TYW1B: variants seen among roughly 807,000 people sequenced by gnomAD.
The protein encoded by TYW1B is S-adenosyl-L-methionine-dependent tRNA 4-demethylwyosine synthase TYW1B.
TYW1B carries 73 observed loss-of-function variants against 86.9 expected under a neutral mutation model. The ratio of observed to expected loss-of-function variants is 0.84; its 90% CI spans 0.70 to 1.02. The LOEUF (loss-of-function observed/expected upper bound fraction) is 1.02, where lower values mean the gene tolerates loss of function less well. TYW1B is among the 50% of genes least tolerant of loss of function. The pLI is 0.00. For synonymous variants in TYW1B, 248 were observed against 292.8 expected (o/e 0.85, Z 1.56); for missense variants, 637 against 827.4 (o/e 0.77, Z 2.82).
rs554916304 is a variant in TYW1B at position 72,807,045 on chromosome 7, A to G, written c.723+21T>C. The G allele has an allele frequency of 8.6e-5, 138 of 1,606,084 alleles. 1 individual carries two copies. In the Admixed American group the frequency reaches 2.2e-3, roughly 26 times the overall value. ...AAGCAGAGGGGGAAAGCATCAAGAGATGAACACACAGGCGGTATACCTTGG... is the reference window on the plus strand; with the variant it reads ...AAGCAGAGGGGGAAAGCATCAAGAGGTGAACACACAGGCGGTATACCTTGG... On this transcript the variant is annotated intron_variant, in intron 5 of 13. Coordinates refer to ENST00000620995, the MANE Select transcript of TYW1B (RefSeq NM_001145440.3).
intron 9 of TYW1B, among the ~76,000 whole-genome samples, chr7:72,727,828 A>G (rs1221466947): frequency 2.1e-5 from 3 of 144,468 alleles, no homozygotes; most frequent in African/African-American, 7.6e-5. Flanking sequence ...AAAAAAAAAA[A>G]AAAAAGAAGA....
At chr7:72,763,721 C>G (rs566218657) in intron 7 of TYW1B, among the ~76,000 whole-genome samples, 1 of 152,330 alleles carries the variant, frequency 6.6e-6, no homozygotes, top group East Asian at 1.9e-4. Context: ...CTTTTGGCAT[C>G]TCTGGCAGGT....
Position 72,828,110 on chromosome 7 carries a change from A to G in TYW1B, c.-35T>C. 6.2e-7 allele frequency: 1 copy of G among 1,613,412 alleles called. No homozygotes were observed. Among genetic ancestry groups the G allele is most frequent in the Non-Finnish European group, 8.5e-7 (1 of 1,179,760 alleles). ...AGCCGACAGGAGACTAGGATCTCGG[A>G]CCTGGAGAGCCCAAAGGTTCGCACT... On this transcript the variant is annotated 5_prime_UTR_variant, in exon 1 of 14. Transcript: ENST00000620995.
chr7:72,599,637 G>A (rs1172372224), intron 13 of TYW1B, among the ~76,000 whole-genome samples: 1 of 151,934 alleles, frequency 6.6e-6, no homozygotes, highest in African/African-American at 2.4e-5. Flanking sequence ...AGATCCCAAA[G>A]AATCAATGAA....
At position 72,810,685 on chromosome 7, in the gene TYW1B, T is replaced by C; in HGVS notation, c.238-20A>G. ...AGTCACCTAACCAAGAAAGTAATTG[T>C]TTCAGTGGAACATACAAGGCATAAA... is the stretch of plus-strand genomic sequence containing the variant. On this transcript the variant is annotated intron_variant, in intron 3 of 13. Transcript: ENST00000620995. 1 of 1,585,896 alleles carries C rather than the reference T, an allele frequency of 6.3e-7. No individual in the cohort carries two copies. The highest frequency in any genetic ancestry group is 8.6e-7 in the Non-Finnish European group (1 of 1,165,362).
At chr7:72,587,904 G>A (rs1277159377) in intron 13 of TYW1B, among the ~76,000 whole-genome samples, 1 of 152,154 alleles carries the variant, frequency 6.6e-6, no homozygotes, top group African/African-American at 2.4e-5. Context: ...AGTCAGTTAG[G>A]TGAGATCTCT....
chr7:72,658,823 C>T (rs1172053832), intron 11 of TYW1B, among the ~76,000 whole-genome samples: 14 of 152,208 alleles, frequency 9.2e-5, no homozygotes, highest in Middle Eastern at 3.4e-3. Flanking sequence ...CGTGTTCAAG[C>T]GATTCTCCTG....
At chr7:72,632,332 TAC>T (rs1336866726) in intron 11 of TYW1B, among the ~76,000 whole-genome samples, 48 of 111,486 alleles carry the variant, frequency 4.3e-4, no homozygotes, top group South Asian at 1.3e-3. Context: ...TATATATATA[TAC>T]ACGTATATAT....
At chr7:72,684,238 A>G (rs1159606503) in intron 11 of TYW1B, among the ~76,000 whole-genome samples, 8 of 152,204 alleles carry the variant, frequency 5.3e-5, no homozygotes, top group Non-Finnish European at 1.0e-4. Context: ...AGGCTCCCAC[A>G]ACACCAAGTA....
At chr7:72,612,885 G>T (rs1554436193) in intron 13 of TYW1B, among the ~76,000 whole-genome samples, 2 of 151,984 alleles carry the variant, frequency 1.3e-5, no homozygotes, top group Non-Finnish European at 1.5e-5. Context: ...AAGTAGCTGG[G>T]ACTACAGGTT....
chr7:72,796,910 T>C (rs1788314862), intron 6 of TYW1B, among the ~76,000 whole-genome samples: 1 of 150,036 alleles, frequency 6.7e-6, no homozygotes, highest in Admixed American at 6.7e-5. Context: ...GTCAAGCGAT[T>C]CTCCCGCCTC....
chr7:72,823,655 T>A (rs1344972355), intron 2 of TYW1B, among the ~76,000 whole-genome samples: 37 of 151,626 alleles, frequency 2.4e-4, no homozygotes, highest in Non-Finnish European at 5.2e-4. Flanking sequence ...TGAAATAAAA[T>A]AAAATAAATA....
intron 12 of TYW1B, among the ~76,000 whole-genome samples, chr7:72,622,420 C>A (rs868958318): frequency 3.3e-5 from 5 of 152,328 alleles, no homozygotes; most frequent in Middle Eastern, 6.8e-3. Flanking sequence ...ATTCTCAAAA[C>A]AAACTTATTA....
intron 12 of TYW1B, among the ~76,000 whole-genome samples, chr7:72,626,017 A>G (rs1403696586): frequency 2.0e-5 from 3 of 151,728 alleles, no homozygotes; most frequent in African/African-American, 2.4e-5. Context: ...CTAAATCATA[A>G]ATTAAAACAC....
At chr7:72,654,917 G>T (rs1196975563) in intron 11 of TYW1B, among the ~76,000 whole-genome samples, 1 of 152,180 alleles carries the variant, frequency 6.6e-6, no homozygotes, top group Non-Finnish European at 1.5e-5. Context: ...TTCATAAATT[G>T]TAACAAATGA....
intron 11 of TYW1B, among the ~76,000 whole-genome samples, chr7:72,658,184 G>A (rs1554443963): frequency 6.6e-6 from 1 of 152,110 alleles, no homozygotes. Context: ...CCACGAGGTG[G>A]AACTTGCAGT....
chr7:72,608,122 G>A (rs1326139243), intron 13 of TYW1B, among the ~76,000 whole-genome samples: 1 of 152,232 alleles, frequency 6.6e-6, no homozygotes, highest in Non-Finnish European at 1.5e-5. Context: ...GACAGTGGCA[G>A]ATGAAGGAAA....
At chr7:72,709,606 T>C (rs1466203019) in intron 10 of TYW1B, among the ~76,000 whole-genome samples, 4 of 152,044 alleles carry the variant, frequency 2.6e-5, no homozygotes, top group African/African-American at 9.7e-5. Context: ...AGGCGGAGCT[T>C]GTAGTGAGCC....
intron 10 of TYW1B, among the ~76,000 whole-genome samples, chr7:72,711,229 C>A (rs1554454697): frequency 2.0e-5 from 3 of 152,024 alleles, no homozygotes; most frequent in African/African-American, 4.8e-5. Context: ...CGGGGCTATG[C>A]CTGCCGCGCA....
Sources: allele counts gnomAD v4.1 joint callset (sites outside exome capture counted in the v4.1 genomes callset), GRCh38; gene constraint gnomAD v4.1.1; transcripts MANE v1.5; gene names NCBI Gene and HGNC (gene_info 2026-07-23, HGNC 2026-07-21).